The following SLCO1B1 variants were observed in gnomAD, a reference collection of about 807,000 sequenced individuals.
SLCO1B1 encodes OATP-2.
SLCO1B1 carries 81 observed loss-of-function variants against 70.1 expected under a neutral mutation model. The observed-to-expected ratio is 1.16, with a 90% CI of 0.97 to 1.39. The LOEUF (loss-of-function observed/expected upper bound fraction) is 1.39, where lower values mean the gene tolerates loss of function less well. Among genes scored for constraint, SLCO1B1 ranks in the 40% most tolerant of loss-of-function variants. The pLI is 0.00. For synonymous variants in SLCO1B1, 283 were observed against 271.5 expected (o/e 1.04, Z -0.42); for missense variants, 895 against 799.6 (o/e 1.12, Z -1.44).
intron 7 of SLCO1B1, 33 bp downstream of exon 7, chr12:21,179,053 C>A (rs2291076): frequency 1.9e-5 from 25 of 1,347,852 alleles, no homozygotes; most frequent in Non-Finnish European, 2.5e-5. Flanking sequence ...ACCATGATAA[C>A]GTCTTTCTAA....
intron 2 of SLCO1B1, among the ~76,000 whole-genome samples, 199 bp from the exon 3 acceptor site, chr12:21,172,451 G>T (rs1032991993): frequency 3.3e-5 from 5 of 152,222 alleles, no homozygotes; most frequent in Non-Finnish European, 7.3e-5. Context: ...AATTAGAAAT[G>T]ATGCTTTATC....
At chr12:21,233,820 C>T (rs992621597) in intron 14 of SLCO1B1, among the ~76,000 whole-genome samples, 1 of 152,156 alleles carries the variant, frequency 6.6e-6, no homozygotes, top group Non-Finnish European at 1.5e-5. Context: ...GCCCACAGTC[C>T]AAGAGAACTA....
intron 2 of SLCO1B1, among the ~76,000 whole-genome samples, chr12:21,147,813 T>G (rs954246597): frequency 6.6e-6 from 1 of 152,170 alleles, no homozygotes; most frequent in African/African-American, 2.4e-5. Context: ...GTTGAATTAA[T>G]TTACACTCCC....
intron 1 of SLCO1B1, among the ~76,000 whole-genome samples, chr12:21,139,168 A>G (rs1321840331): frequency 6.6e-6 from 1 of 152,094 alleles, no homozygotes; most frequent in East Asian, 1.9e-4. Context: ...AGTCATACAG[A>G]GATATTTGCT....
chr12:21,172,699 CA>C lies in SLCO1B1; in HGVS notation c.136del (p.Ile46LeufsTer3). The part of the protein sequence containing the change: ...SLSFIAKTLG[A>X]IIMKSSIIHI... ...AGCTTTATTGCTAAGACACTAGGTG[CA>C]ATTATTATGAAAAGTTCCATCATTC... On this transcript the variant is annotated frameshift_variant, in exon 3 of 15. Transcript: ENST00000256958. LOFTEE classifies it high-confidence loss of function. 2 of 1,613,648 alleles carry C rather than the reference CA, an allele frequency of 1.2e-6. No individual in the cohort carries two copies. Among genetic ancestry groups the C allele is most frequent in the Non-Finnish European group, 1.7e-6 (2 of 1,179,762 alleles).
chr12:21,169,115 G>A (rs1940728151), intron 2 of SLCO1B1, among the ~76,000 whole-genome samples: 2 of 152,058 alleles, frequency 1.3e-5, no homozygotes, highest in African/African-American at 4.8e-5. Context: ...ATTTGAAGAG[G>A]CTGTCCGCTT....
rs748000403 is a variant in SLCO1B1 at position 21,174,647 on chromosome 12, C to A, written c.297C>A (p.Ile99=). The A allele has an allele frequency of 2.5e-6, 4 of 1,611,298 alleles. No homozygotes were observed. In the African/African-American group the frequency reaches 5.4e-5, roughly 22 times the overall value. The part of the protein sequence containing the change: ...SKLHRPKLIG[I]GCFIMGIGGV... ...TACATAGACCAAAGTTAATTGGAAT[C>A]GGTTGTTTCATTATGGGAATTGGAG... The change falls in exon 4 of 15, where the codon ATC becomes ATA. Residue 99 remains isoleucine (I), a synonymous_variant. Coordinates refer to ENST00000256958, the MANE Select transcript of SLCO1B1 (RefSeq NM_006446.5).
chr12:21,229,753 A>T (rs1160550614), intron 14 of SLCO1B1, among the ~76,000 whole-genome samples: 1 of 152,146 alleles, frequency 6.6e-6, no homozygotes, highest in African/African-American at 2.4e-5. Flanking sequence ...ATTAGTTCCA[A>T]GTGTGTTTTT....
Position 21,178,988 on chromosome 12 carries a change from A to G in SLCO1B1, c.695A>G (p.Lys232Arg), listed in dbSNP as rs374328647. 6.2e-7 allele frequency: 1 copy of G among 1,610,684 alleles called. No homozygotes were observed. Among genetic ancestry groups the G allele is most frequent in the Non-Finnish European group, 8.5e-7 (1 of 1,177,260 alleles). The part of the protein sequence containing the change: ...IGFTLGSLFS[K>R]MYVDIGYVDL... ...TTTACCCTGGGATCTCTGTTTTCTAAAATGTACGTGGATATTGGATATGTA... is the reference window on the plus strand; with the variant it reads ...TTTACCCTGGGATCTCTGTTTTCTAGAATGTACGTGGATATTGGATATGTA... Residue 232 changes from lysine (K) to arginine (R), a missense_variant, in exon 7 of 15, where the codon AAA becomes AGA. Lys to Arg is a conservative substitution (Grantham distance 26, BLOSUM62 2). Coordinates refer to ENST00000256958, the MANE Select transcript of SLCO1B1 (RefSeq NM_006446.5).
At chr12:21,215,484 T>G (rs1941346655) in intron 11 of SLCO1B1, among the ~76,000 whole-genome samples, 1 of 152,332 alleles carries the variant, frequency 6.6e-6, no homozygotes, top group East Asian at 1.9e-4. Context: ...TCACATTTAT[T>G]GATTGTGTAT....
At chr12:21,229,184 A>G (rs567486942) in intron 14 of SLCO1B1, among the ~76,000 whole-genome samples, 7 of 152,194 alleles carry the variant, frequency 4.6e-5, no homozygotes, top group Non-Finnish European at 7.4e-5. Context: ...CCTACCATCA[A>G]TGTCTCCCAA....
In SLCO1B1 at chr12:21,174,718, T is replaced by TAAAA. The variant is rs4149095; in HGVS notation, c.359+20_359+23dup. On this transcript the variant is annotated intron_variant, in intron 4 of 14. Transcript: ENST00000256958. ...CATTTCTTCATGGGATAGTAAGTGTTAAAAAAAAAAAAAACCTCTGTGCCA... is the reference window on the plus strand; with the variant it reads ...CATTTCTTCATGGGATAGTAAGTGTTAAAAAAAAAAAAAAAAAACCTCTGTGCCA... The TAAAA allele has an allele frequency of 5.0e-5, 74 of 1,469,994 alleles. No homozygotes were observed. Among genetic ancestry groups the TAAAA allele is most frequent in the African/African-American group, 2.9e-4 (20 of 68,048 alleles). The allele number at this position is 1,469,994 out of a possible 1,614,324, so 91.1% of individuals were successfully genotyped here.
rs185281968 is a variant in SLCO1B1 at position 21,237,548 on chromosome 12, C to T, written c.1866-1431C>T. Among the ~76,000 whole-genome samples the T allele has an allele frequency of 2.1e-3, 312 of 152,170 alleles. 2 individuals carry two copies. The highest frequency in any genetic ancestry group is 7.2e-3 in the African/African-American group (299 of 41,522). ...TTGACTTTCTGTAATTTGAAAATAA[C>T]ACACCTACACGTAGTTTTTCTGGTC... On this transcript the variant is annotated intron_variant, in intron 14 of 14. Transcript: ENST00000256958.
chr12:21,215,054 G>A (rs999166817), intron 11 of SLCO1B1, among the ~76,000 whole-genome samples: 21 of 151,994 alleles, frequency 1.4e-4, no homozygotes, highest in African/African-American at 4.3e-4. Flanking sequence ...GCTGTAGACC[G>A]GAGCTGTTCC....
chr12:21,209,645 C>A (rs1941256057), intron 11 of SLCO1B1, among the ~76,000 whole-genome samples: 1 of 151,930 alleles, frequency 6.6e-6, no homozygotes, highest in African/African-American at 2.4e-5. Flanking sequence ...CTGACTTCCA[C>A]AATGGTTAAA....
At chr12:21,190,043 G>T (rs762858650) in intron 7 of SLCO1B1, among the ~76,000 whole-genome samples, 1 of 152,150 alleles carries the variant, frequency 6.6e-6, no homozygotes, top group South Asian at 2.1e-4. Context: ...AGAAGCTATA[G>T]GGAAGGAAGC....
intron 2 of SLCO1B1, among the ~76,000 whole-genome samples, chr12:21,157,496 T>A (rs182028345): frequency 6.6e-6 from 1 of 152,166 alleles, no homozygotes; most frequent in East Asian, 1.9e-4. Context: ...AATAAAATGA[T>A]ATACACAGCA....
At chr12:21,137,679 G>C (rs376300718) in intron 1 of SLCO1B1, among the ~76,000 whole-genome samples, 3 of 152,128 alleles carry the variant, frequency 2.0e-5, no homozygotes, top group Non-Finnish European at 4.4e-5. Context: ...TTTTTAAGCC[G>C]GTTGGAAAAG....
chr12:21,142,824 A>T (rs1190323677), intron 2 of SLCO1B1, among the ~76,000 whole-genome samples: 1 of 152,110 alleles, frequency 6.6e-6, no homozygotes, highest in Non-Finnish European at 1.5e-5. Flanking sequence ...AAATGGCAGC[A>T]AACTGCCTGA....
Sources: gnomAD v4.1 joint callset for allele counts (sites outside exome capture counted in the v4.1 genomes callset) on GRCh38, gnomAD v4.1.1 for gene constraint, MANE v1.5 for transcripts, NCBI Gene and HGNC (gene_info 2026-07-23, HGNC 2026-07-21) for gene names.